Variants in MAP2K5 observed in about 807,000 individuals in gnomAD.
MAP2K5 encodes the protein mitogen-activated protein kinase kinase 5.
MAP2K5 carries 49 observed loss-of-function variants against 83.1 expected under a neutral mutation model. The ratio of observed to expected loss-of-function variants is 0.59; its 90% CI spans 0.47 to 0.75. The LOEUF is 0.75. Ranked by LOEUF, MAP2K5 falls within the 30% of genes least tolerant of loss-of-function variation. MAP2K5 has a pLI of 0.00. For missense variants in MAP2K5, 457 were observed against 557.5 expected (o/e 0.82, Z 1.82); for synonymous variants, 202 against 191.8 (o/e 1.05, Z -0.44).
intron 13 of MAP2K5, among the ~76,000 whole-genome samples, chr15:67,680,150 A>G (rs7163462): frequency 0.98 from 149,653 of 152,364 alleles, 73,564 homozygotes; most frequent in Middle Eastern, 1. Context: ...GCATGTGTCT[A>G]TAGTTCATTC....
At chr15:67,657,822 T>A (rs2087125772) in intron 11 of MAP2K5, among the ~76,000 whole-genome samples, 1 of 152,076 alleles carries the variant, frequency 6.6e-6, no homozygotes, top group Non-Finnish European at 1.5e-5. Context: ...TAAAAATATT[T>A]TCTCTGATGT....
intron 1 of MAP2K5, among the ~76,000 whole-genome samples, chr15:67,547,822 G>A (rs2084427872): frequency 6.6e-6 from 1 of 152,128 alleles, no homozygotes; most frequent in Non-Finnish European, 1.5e-5. Context: ...AGCAGAAGAA[G>A]GCCGCTTGGA....
intron 6 of MAP2K5, among the ~76,000 whole-genome samples, chr15:67,588,877 A>G (rs961721392): frequency 2.0e-5 from 3 of 152,224 alleles, no homozygotes; most frequent in Non-Finnish European, 4.4e-5. Flanking sequence ...GTGCAGTGGC[A>G]CAATCACAGC....
At chr15:67,660,008 A>C (rs924126238) in intron 12 of MAP2K5, among the ~76,000 whole-genome samples, 10 of 152,272 alleles carry the variant, frequency 6.6e-5, no homozygotes, top group African/African-American at 1.7e-4. Flanking sequence ...AATGTGACAC[A>C]AATTATTTTA....
At chr15:67,569,231 A>G (rs1275086790) in intron 3 of MAP2K5, among the ~76,000 whole-genome samples, 3 of 152,224 alleles carry the variant, frequency 2.0e-5, no homozygotes, top group African/African-American at 7.2e-5. Flanking sequence ...AATATGCCAC[A>G]TATTAAATAG....
intron 3 of MAP2K5, among the ~76,000 whole-genome samples, chr15:67,568,017 A>T (rs973712221): frequency 6.6e-6 from 1 of 152,198 alleles, no homozygotes; most frequent in African/African-American, 2.4e-5. Flanking sequence ...TTTCTGCTAA[A>T]TCCTGTGTCT....
intron 19 of MAP2K5, among the ~76,000 whole-genome samples, chr15:67,767,341 T>C (rs899025335): frequency 6.6e-6 from 1 of 152,232 alleles, no homozygotes; most frequent in Non-Finnish European, 1.5e-5. Flanking sequence ...ACCAGATCTT[T>C]ATAGAAAGCC....
rs967955538 is a variant in MAP2K5 at position 67,786,590 on chromosome 15, C to T, written c.1242+13838C>T. 6.6e-6 allele frequency among the ~76,000 whole-genome samples: 1 copy of T among 152,146 alleles called. No individual in the cohort carries two copies. The highest frequency in any genetic ancestry group is 1.5e-5 in the Non-Finnish European group (1 of 68,028). On this transcript the variant is annotated intron_variant, in intron 21 of 21. Transcript: ENST00000178640. The surrounding 1 kb of genome is among the most constrained non-coding windows in gnomAD (Gnocchi z 4.7). ...GTGGTGCGGGAGCTCGGAACAGTGGCCGAGGGGCCGTAGTAGTCAGTGAGG... is the reference window on the plus strand; with the variant it reads ...GTGGTGCGGGAGCTCGGAACAGTGGTCGAGGGGCCGTAGTAGTCAGTGAGG...
chr15:67,680,609 G>T (rs555684202), intron 13 of MAP2K5, among the ~76,000 whole-genome samples: 1 of 152,110 alleles, frequency 6.6e-6, no homozygotes, highest in Non-Finnish European at 1.5e-5. Flanking sequence ...ATGACAGAAG[G>T]CTCTTTTAGT....
rs934557200 is a variant in MAP2K5 at position 67,755,454 on chromosome 15, T to C, written c.1134+6853T>C. ...ACATAGGTAGAAGTGTCTAGCTATG[T>C]GGTTAACCTCCATCCTCTTCACTGA... is the stretch of plus-strand genomic sequence containing the variant. On this transcript the variant is annotated intron_variant, in intron 19 of 21. Coordinates refer to ENST00000178640, the MANE Select transcript of MAP2K5 (RefSeq NM_145160.3). This position sits in a 1 kb window ranked among gnomAD's most constrained non-coding sequence, Gnocchi z 4.7. Among the ~76,000 whole-genome samples the C allele has an allele frequency of 5.3e-5, 8 of 152,154 alleles. No homozygotes were observed. In the East Asian group the frequency reaches 1.5e-3, roughly 29 times the overall value.
At chr15:67,797,617 A>G (rs925484949) in intron 21 of MAP2K5, among the ~76,000 whole-genome samples, 5 of 152,154 alleles carry the variant, frequency 3.3e-5, no homozygotes, top group African/African-American at 1.2e-4. Context: ...TTTTCTAGGT[A>G]TAGATTTTAT....
At chr15:67,560,876 TG>T (rs2084720658) in intron 2 of MAP2K5, among the ~76,000 whole-genome samples, 3 of 152,360 alleles carry the variant, frequency 2.0e-5, no homozygotes, top group African/African-American at 7.2e-5. Flanking sequence ...TTCTTGATTG[TG>T]ATTTAAATGA....
At chr15:67,626,257 C>T (rs1338700984) in intron 8 of MAP2K5, among the ~76,000 whole-genome samples, 2 of 152,140 alleles carry the variant, frequency 1.3e-5, no homozygotes, top group Non-Finnish European at 2.9e-5. Flanking sequence ...TGGTGGCTCA[C>T]ACCTGTAGTA....
chr15:67,669,311 G>A lies in MAP2K5; in HGVS notation c.847+4666G>A, dbSNP rs1244248482. 2.6e-5 allele frequency among the ~76,000 whole-genome samples: 4 copies of A among 152,120 alleles called. No homozygotes were observed. In the East Asian group the frequency reaches 5.8e-4, roughly 22 times the overall value. ...AAAATACGGAGTGTGTTAGAGGGTT[G>A]TTAATAATAGAAAAGAAAAAGTAGA... On this transcript the variant is annotated intron_variant, in intron 13 of 21. Coordinates refer to ENST00000178640, the MANE Select transcript of MAP2K5 (RefSeq NM_145160.3).
chr15:67,754,914 G>T (rs1442232040), intron 19 of MAP2K5, among the ~76,000 whole-genome samples: 1 of 152,218 alleles, frequency 6.6e-6, no homozygotes. Context: ...AGACAGTTCT[G>T]TTGAGGTGGG....
rs1465443794 is a variant in MAP2K5, at chr15:67,801,709, G to A, written c.1243-4937G>A. On this transcript the variant is annotated intron_variant, in intron 21 of 21. Coordinates refer to ENST00000178640, the MANE Select transcript of MAP2K5 (RefSeq NM_145160.3). The surrounding 1 kb of genome is among the most constrained non-coding windows in gnomAD (Gnocchi z 4.8). Reference sequence around the variant, plus strand: ...CAGGAGAGCTGTGGTCAGATGTAAGGCATTCAGCCAATGCCTGTACACAGC... The same window carrying A: ...CAGGAGAGCTGTGGTCAGATGTAAGACATTCAGCCAATGCCTGTACACAGC... 5.3e-5 allele frequency among the ~76,000 whole-genome samples: 8 copies of A among 152,136 alleles called. No individual in the cohort carries two copies. The East Asian group carries it at 1.5e-3, about 29-fold the overall frequency.
intron 13 of MAP2K5, among the ~76,000 whole-genome samples, chr15:67,687,922 C>T (rs765904968): frequency 5.3e-5 from 8 of 151,750 alleles, no homozygotes; most frequent in African/African-American, 9.7e-5. Context: ...AGAAATGGAG[C>T]GTGTTGATGG....
At chr15:67,707,429 AAC>A (rs1034216654) in intron 16 of MAP2K5, among the ~76,000 whole-genome samples, 1 of 152,358 alleles carries the variant, frequency 6.6e-6, no homozygotes, top group African/African-American at 2.4e-5. Flanking sequence ...TGCATTCTGT[AAC>A]ATAGTCAACA....
At chr15:67,703,046 T>C (rs2088462090) in intron 15 of MAP2K5, among the ~76,000 whole-genome samples, 1 of 152,182 alleles carries the variant, frequency 6.6e-6, no homozygotes, top group South Asian at 2.1e-4. Flanking sequence ...CTGGCCTAAA[T>C]TACCTCACTA....
Sources: allele counts gnomAD v4.1 joint callset (sites outside exome capture counted in the v4.1 genomes callset), GRCh38; gene constraint gnomAD v4.1.1; non-coding constraint Gnocchi (gnomAD v3.1); transcripts MANE v1.5; gene names NCBI Gene and HGNC (gene_info 2026-07-23, HGNC 2026-07-21).